The following ATG2B variants were observed in gnomAD, a reference collection of about 807,000 sequenced individuals.
The protein encoded by ATG2B is autophagy-related protein 2 homolog B.
In ATG2B, 121 loss-of-function variants were observed where a neutral mutation model predicts 241.3. The observed-to-expected ratio is 0.50, with a 90% CI of 0.43 to 0.58. The LOEUF is 0.58. ATG2B is among the 20% of genes least tolerant of loss of function. The pLI is 0.00. For synonymous variants in ATG2B, 858 were observed against 876.6 expected (o/e 0.98, Z 0.37); for missense variants, 2,306 against 2,491.6 (o/e 0.93, Z 1.59).
chr14:96,302,618 G>A (rs987858062), intron 33 of ATG2B, among the ~76,000 whole-genome samples: 2 of 152,050 alleles, frequency 1.3e-5, no homozygotes, highest in African/African-American at 2.4e-5. Context: ...TCTCTTTAGA[G>A]GAAAAATTGC....
chr14:96,282,037 A>G lies in ATG2B; in HGVS notation c.*3718T>C, dbSNP rs1226026856. On this transcript the variant is annotated 3_prime_UTR_variant, in exon 42 of 42. Transcript: ENST00000359933. Reference sequence around the variant, plus strand: ...GCATATAATGTCTATTCAAGGGGGCAGTGTGCCTAGCATGATCCTGAAATG... The same window carrying G: ...GCATATAATGTCTATTCAAGGGGGCGGTGTGCCTAGCATGATCCTGAAATG... 6.6e-6 allele frequency: 1 copy of G among 152,218 alleles called. No homozygotes were observed. The highest frequency in any genetic ancestry group is 1.5e-5 in the Non-Finnish European group (1 of 68,038). The allele number at this position is 152,218 out of a possible 1,614,324, so 9.4% of individuals were successfully genotyped here. A position where few individuals can be genotyped will look rare whatever the true frequency, so the allele number is the denominator to read the frequency against.
At chr14:96,353,143 T>A (rs73363294) in intron 1 of ATG2B, among the ~76,000 whole-genome samples, 1 of 152,186 alleles carries the variant, frequency 6.6e-6, no homozygotes, top group Non-Finnish European at 1.5e-5. Context: ...AGCAATAGGC[T>A]GTACCCTATA....
intron 3 of ATG2B, 95 bp from the exon 4 acceptor site, chr14:96,344,851 T>G (rs1888131073): frequency 1.9e-6 from 1 of 532,238 alleles, no homozygotes; most frequent in Admixed American, 3.8e-5. Flanking sequence ...GATAAGAACT[T>G]TTGTTTACAA....
intron 10 of ATG2B, among the ~76,000 whole-genome samples, chr14:96,331,892 T>G (rs972079999): frequency 1.3e-5 from 2 of 152,134 alleles, no homozygotes; most frequent in African/African-American, 4.8e-5. Flanking sequence ...AAAAACATAC[T>G]GGAAAACTCA....
At chr14:96,317,417 A>C (rs1258491978) in intron 19 of ATG2B, 100 bp from the exon 20 acceptor site, 15 of 1,069,274 alleles carry the variant, frequency 1.4e-5, no homozygotes, top group Non-Finnish European at 1.5e-5. Flanking sequence ...TAGTTTTACA[A>C]AGAATATGGT....
At position 96,317,840 on chromosome 14, in the gene ATG2B, C is replaced by T; in HGVS notation, c.2895G>A (p.Leu965=). 6.2e-7 allele frequency: 1 copy of T among 1,606,830 alleles called. No homozygotes were observed. The highest frequency in any genetic ancestry group is 8.5e-7 in the Non-Finnish European group (1 of 1,175,978). Residue 965 remains leucine, a synonymous_variant, in exon 19 of 42, where the codon TTG becomes TTA. Transcript: ENST00000359933. Reference sequence around the variant, plus strand: ...AAGGAGCTGTTGGTTCCCACAGTAGCAAGTCATTAAAGATCCTATAAAGAC... The same window carrying T: ...AAGGAGCTGTTGGTTCCCACAGTAGTAAGTCATTAAAGATCCTATAAAGAC... The part of the protein sequence containing the change: ...EKLYNRIFND[L]LLWEPTAPSP...
chr14:96,358,422 C>T (rs1383979760), intron 1 of ATG2B, among the ~76,000 whole-genome samples: 1 of 151,968 alleles, frequency 6.6e-6, no homozygotes, highest in African/African-American at 2.4e-5. Flanking sequence ...GTAACAGAGA[C>T]TGTCTCTAAA....
Position 96,328,512 on chromosome 14 carries a change from T to A in ATG2B, c.1998A>T (p.Ser666=), listed in dbSNP as rs2139877092. 1 of 1,608,446 alleles carries A rather than the reference T, an allele frequency of 6.2e-7. No homozygotes were observed. The highest frequency in any genetic ancestry group is 2.2e-5 in the East Asian group (1 of 44,790). ...TTTGCAATTCTGCCTTGTGAGGAAC[T>A]GAACTAAGTCTTGCTTGATTACCCT... The part of the protein sequence containing the change: ...GPQGNQARLS[S]VPHKAELQIK... The change falls in exon 14 of 42, where the codon TCA becomes TCT. Residue 666 remains serine (S), a synonymous_variant. Coordinates refer to ENST00000359933, the MANE Select transcript of ATG2B (RefSeq NM_018036.7).
intron 6 of ATG2B, among the ~76,000 whole-genome samples, chr14:96,338,646 G>C (rs565455847): frequency 6.6e-6 from 1 of 152,054 alleles, no homozygotes; most frequent in South Asian, 2.1e-4. Context: ...AACTCAAGAT[G>C]GACCAAAGAT....
rs753216718 is a variant in ATG2B, at chr14:96,290,361, C to G, written c.5856+75G>C. 1 of 1,515,912 alleles carries G rather than the reference C, an allele frequency of 6.6e-7. No homozygotes were observed. The highest frequency in any genetic ancestry group is 1.4e-5 in the African/African-American group (1 of 71,984). 93.9% of individuals were successfully genotyped at this position (1,515,912 alleles called of 1,614,324 possible). ...AACATTTTGTATATCTTCACAGTAT[C>G]GTTTTAAAAACAAAAGGACCCAACC... On this transcript the variant is annotated intron_variant, in intron 40 of 41. Transcript: ENST00000359933. This position sits in a 1 kb window ranked among gnomAD's most constrained non-coding sequence, Gnocchi z 4.4.
chr14:96,285,651 G>T lies in ATG2B; in HGVS notation c.*104C>A. ...TTAACTAAAAAATGCTTTTGTTCCTGAGATGAGCACAATAAAATTAAACGA... is the reference window on the plus strand; with the variant it reads ...TTAACTAAAAAATGCTTTTGTTCCTTAGATGAGCACAATAAAATTAAACGA... On this transcript the variant is annotated 3_prime_UTR_variant, in exon 42 of 42. Coordinates refer to ENST00000359933, the MANE Select transcript of ATG2B (RefSeq NM_018036.7). The surrounding 1 kb of genome is among the most constrained non-coding windows in gnomAD (Gnocchi z 4.2). 1.9e-6 allele frequency: 2 copies of T among 1,071,164 alleles called. No homozygotes were observed. Among genetic ancestry groups the T allele is most frequent in the Non-Finnish European group, 2.7e-6 (2 of 731,016 alleles). 66.4% of individuals were successfully genotyped at this position (1,071,164 alleles called of 1,614,324 possible). A position where few individuals can be genotyped will look rare whatever the true frequency, so the allele number is the denominator to read the frequency against.
Position 96,317,708 on chromosome 14 carries a change from T to G in ATG2B, c.3027A>C (p.Ala1009=), listed in dbSNP as rs757731342. The change falls in exon 19 of 42, where the codon GCA becomes GCC. Residue 1009 remains alanine (A), a synonymous_variant. Transcript: ENST00000359933. ...TTAAAAATATATTACCATAGTGAAC[T>G]GCAGATTTAAATGCACTAAAACTAT... ...NKDSFSAFKS[A]VHYDEESGSE... 1 of 1,606,074 alleles carries G rather than the reference T, an allele frequency of 6.2e-7. No individual in the cohort carries two copies. The highest frequency in any genetic ancestry group is 8.5e-7 in the Non-Finnish European group (1 of 1,175,408).
chr14:96,290,423 T>C lies in ATG2B; in HGVS notation c.5856+13A>G. 6.2e-7 allele frequency: 1 copy of C among 1,613,700 alleles called. No individual in the cohort carries two copies. Among genetic ancestry groups the C allele is most frequent in the Non-Finnish European group, 8.5e-7 (1 of 1,179,708 alleles). Reference sequence around the variant, plus strand: ...GCTCTTTTTGGATAGACTAAGGCAGTCTAAAAAGATACCTGTATGGTTTGA... The same window carrying C: ...GCTCTTTTTGGATAGACTAAGGCAGCCTAAAAAGATACCTGTATGGTTTGA... On this transcript the variant is annotated intron_variant, in intron 40 of 41. Transcript: ENST00000359933. The surrounding 1 kb of genome is among the most constrained non-coding windows in gnomAD (Gnocchi z 4.4).
At chr14:96,335,293 T>C (rs1887841168) in intron 6 of ATG2B, among the ~76,000 whole-genome samples, 1 of 152,164 alleles carries the variant, frequency 6.6e-6, no homozygotes, top group Non-Finnish European at 1.5e-5. Flanking sequence ...ATAATAGAAT[T>C]AACAAAACAT....
chr14:96,334,611 G>T (rs141498794), intron 6 of ATG2B, 110 bp from the exon 7 acceptor site: 13 of 569,924 alleles, frequency 2.3e-5, no homozygotes, highest in African/African-American at 1.4e-4. Context: ...TTTAGTCTTG[G>T]AGTCCTTCAT....
chr14:96,301,832 C>T (rs1396596797), intron 34 of ATG2B, among the ~76,000 whole-genome samples, 175 bp downstream of exon 34: 1 of 151,850 alleles, frequency 6.6e-6, no homozygotes, highest in Non-Finnish European at 1.5e-5. Flanking sequence ...GATGTTGACT[C>T]AGCCATAGTT....
At chr14:96,342,152 G>C (rs1888053670) in intron 5 of ATG2B, among the ~76,000 whole-genome samples, 2 of 151,446 alleles carry the variant, frequency 1.3e-5, no homozygotes, top group Admixed American at 6.6e-5. Context: ...CACTATGTAA[G>C]GTAAATTTGC....
At chr14:96,295,688 C>A in intron 34 of ATG2B, 128 bp from the exon 35 acceptor site, 1 of 539,802 alleles carries the variant, frequency 1.9e-6, no homozygotes, top group Non-Finnish European at 3.3e-6. Flanking sequence ...TTATTGAATT[C>A]TTTCTCCATG....
chr14:96,291,483 T>A (rs1886481879), intron 38 of ATG2B, 117 bp downstream of exon 38: 1 of 609,266 alleles, frequency 1.6e-6, no homozygotes, highest in African/African-American at 1.8e-5. Flanking sequence ...AAAAATGAGC[T>A]CTCTAAATAA....
Sources: gnomAD v4.1 joint callset for allele counts (sites outside exome capture counted in the v4.1 genomes callset) on GRCh38, gnomAD v4.1.1 for gene constraint, Gnocchi (gnomAD v3.1) non-coding constraint, MANE v1.5 for transcripts, NCBI Gene and HGNC (gene_info 2026-07-23, HGNC 2026-07-21) for gene names.